The following NHSL1 variants were observed in gnomAD, a reference collection of about 807,000 sequenced individuals.
NHSL1 encodes NHS-like protein 1.
NHSL1 carries 48 observed loss-of-function variants against 95.0 expected under a neutral mutation model. The observed-to-expected ratio is 0.51, with a 90% CI of 0.40 to 0.64. The LOEUF (loss-of-function observed/expected upper bound fraction) is 0.64. NHSL1 is among the 30% of genes least tolerant of loss of function. The pLI, the probability that NHSL1 is intolerant of heterozygous loss-of-function variation, is 0.00. For missense variants in NHSL1, 1,971 were observed against 2,077.7 expected, an observed-to-expected ratio of 0.95 and a Z score of 1.00; for synonymous variants, 783 against 833.9, an observed-to-expected ratio of 0.94 and a Z score of 1.05.
Position 138,598,456 on chromosome 6 carries a change from T to C in NHSL1, c.96+94020A>G, listed in dbSNP as rs140069055. On this transcript the variant is annotated intron_variant, in intron 1 of 3. Coordinates refer to the NHSL1 transcript ENST00000491526. ...CTGGGTGGCAGAGCAAGACTCCATC[T>C]TGGAAAAAAAAAAAAATAGCCAGAT... 5.7e-3 allele frequency among the ~76,000 whole-genome samples: 674 copies of C among 117,772 alleles called. 6 individuals are homozygous for C. The highest frequency in any genetic ancestry group is 0.023 in the African/African-American group (597 of 25,536). The allele number at this position is 117,772 out of a possible 152,430, so 77.3% of individuals were successfully genotyped here.
Position 138,499,169 on chromosome 6 carries a change from G to C in NHSL1, c.58+64C>G, listed in dbSNP as rs1780534872. On this transcript the variant is annotated intron_variant, in intron 1 of 7. Coordinates refer to ENST00000343505, the MANE Select transcript of NHSL1 (RefSeq NM_001144060.2). ...CACACACACACACACAGACACACAG[G>C]GACATATACACATATGGAAACATAT... is the stretch of plus-strand genomic sequence containing the variant. 2.9e-6 allele frequency: 3 copies of C among 1,033,500 alleles called. No individual in the cohort carries two copies. In the East Asian group the frequency reaches 8.0e-5, roughly 28 times the overall value. The allele number at this position is 1,033,500 out of a possible 1,614,324, so 64.0% of individuals were successfully genotyped here.
chr6:138,526,023 G>A (rs1488829544), intron 1 of NHSL1, among the ~76,000 whole-genome samples: 4 of 150,412 alleles, frequency 2.7e-5, no homozygotes, highest in Admixed American at 6.6e-5. Context: ...AACCTGGGAG[G>A]AGGAGGTTGC....
intron 1 of NHSL1, among the ~76,000 whole-genome samples, chr6:138,633,504 T>C (rs1348633441): frequency 6.6e-6 from 1 of 152,216 alleles, no homozygotes; most frequent in African/African-American, 2.4e-5. Flanking sequence ...AGTGGAAACC[T>C]TGCAGACCAG....
intron 3 of NHSL1, among the ~76,000 whole-genome samples, chr6:138,448,785 G>A (rs1219733397): frequency 6.6e-6 from 1 of 152,198 alleles, no homozygotes; most frequent in East Asian, 1.9e-4. Context: ...AGGCACGATG[G>A]CTCACGCCTG....
At chr6:138,485,606 C>T (rs1779679615) in intron 2 of NHSL1, among the ~76,000 whole-genome samples, 1 of 152,160 alleles carries the variant, frequency 6.6e-6, no homozygotes, top group African/African-American at 2.4e-5. Flanking sequence ...AGTTACTGTA[C>T]CCAGAGTAGT....
chr6:138,553,065 A>C (rs1051793628), intron 1 of NHSL1, among the ~76,000 whole-genome samples: 1 of 152,146 alleles, frequency 6.6e-6, no homozygotes. Context: ...CTTTCCCTCC[A>C]GAGGAAAAAA....
chr6:138,458,285 T>C (rs1342142155), intron 3 of NHSL1, among the ~76,000 whole-genome samples: 1 of 152,222 alleles, frequency 6.6e-6, no homozygotes, highest in Non-Finnish European at 1.5e-5. Flanking sequence ...CTCTATGTTC[T>C]CATACCGGGT....
intron 3 of NHSL1, among the ~76,000 whole-genome samples, chr6:138,454,935 G>T (rs1278849282): frequency 6.6e-6 from 1 of 152,214 alleles, no homozygotes; most frequent in African/African-American, 2.4e-5. Context: ...AGATCAACAA[G>T]ATAGGGATGC....
At position 138,692,463 on chromosome 6, in the gene NHSL1, G is replaced by T; in HGVS notation, c.96+13C>A. The T allele has an allele frequency of 4.9e-6, 1 of 204,084 alleles. No individual in the cohort carries two copies. The highest frequency in any genetic ancestry group is 7.1e-5 in the South Asian group (1 of 14,022). The allele number at this position is 204,084 out of a possible 1,614,324, so 12.6% of individuals were successfully genotyped here. On this transcript the variant is annotated intron_variant, in intron 1 of 3. Transcript: ENST00000491526. The surrounding 1 kb of genome is among the most constrained non-coding windows in gnomAD (Gnocchi z 4.0). ...CCCGCCGGTTCCCCTCCCCCGGCCC[G>T]CCGGCCACTCACGGATTTTCACTCG...
At chr6:138,670,398 G>T (rs1368808735) in intron 1 of NHSL1, among the ~76,000 whole-genome samples, 1 of 151,488 alleles carries the variant, frequency 6.6e-6, no homozygotes, top group East Asian at 1.9e-4. Flanking sequence ...CGGGCGCGGT[G>T]GCTCACGCCT....
intron 1 of NHSL1, among the ~76,000 whole-genome samples, chr6:138,554,603 C>A (rs530789123): frequency 3.3e-5 from 5 of 152,222 alleles, no homozygotes; most frequent in Admixed American, 6.5e-5. Flanking sequence ...GAGCAAGGTA[C>A]GCCAAGGTAA....
chr6:138,614,753 G>T (rs536661297), intron 1 of NHSL1, among the ~76,000 whole-genome samples: 3 of 152,148 alleles, frequency 2.0e-5, no homozygotes, highest in Non-Finnish European at 4.4e-5. Context: ...AAGCATTACC[G>T]CCTGAGCTCC....
chr6:138,507,873 T>C (rs1781037951), intron 1 of NHSL1, among the ~76,000 whole-genome samples: 1 of 152,044 alleles, frequency 6.6e-6, no homozygotes, highest in South Asian at 2.1e-4. Context: ...GGGGGAGTGG[T>C]TGGGGACAGA....
chr6:138,491,515 T>G (rs1780076186), intron 2 of NHSL1, among the ~76,000 whole-genome samples: 2 of 152,164 alleles, frequency 1.3e-5, no homozygotes, highest in African/African-American at 2.4e-5. Flanking sequence ...GATAAAAATT[T>G]AGCCAGATTT....
intron 2 of NHSL1, among the ~76,000 whole-genome samples, chr6:138,490,872 T>C (rs1415334012): frequency 6.6e-6 from 1 of 152,198 alleles, no homozygotes; most frequent in East Asian, 1.9e-4. Context: ...GACCTCGTGA[T>C]CCGCCCGCCT....
chr6:138,519,584 AC>A (rs1437663447), intron 1 of NHSL1, among the ~76,000 whole-genome samples: 1 of 152,206 alleles, frequency 6.6e-6, no homozygotes, highest in East Asian at 1.9e-4. Context: ...TGATACATCA[AC>A]CCTGTGAGAA....
chr6:138,679,608 T>C (rs939276378), intron 1 of NHSL1, among the ~76,000 whole-genome samples: 1 of 152,192 alleles, frequency 6.6e-6, no homozygotes, highest in Admixed American at 6.5e-5. Flanking sequence ...AATTAAATCC[T>C]TGAAGAAGAG....
chr6:138,684,090 T>C (rs1359202774), intron 1 of NHSL1, among the ~76,000 whole-genome samples: 10 of 151,334 alleles, frequency 6.6e-5, no homozygotes, highest in Non-Finnish European at 1.5e-5. Context: ...TGCCCACCTG[T>C]AGTCCCAGCT....
At chr6:138,455,201 G>T (rs368480761) in intron 3 of NHSL1, among the ~76,000 whole-genome samples, 5 of 152,312 alleles carry the variant, frequency 3.3e-5, no homozygotes, top group Admixed American at 2.0e-4. Flanking sequence ...TACTCACAGA[G>T]ACCCAGTAAC....
Sources: allele counts gnomAD v4.1 joint callset (sites outside exome capture counted in the v4.1 genomes callset), GRCh38; gene constraint gnomAD v4.1.1; non-coding constraint Gnocchi (gnomAD v3.1); transcripts MANE v1.5; gene names NCBI Gene and HGNC (gene_info 2026-07-23, HGNC 2026-07-21).